Variants in ZNF560 observed in about 807,000 individuals in gnomAD.
ZNF560 encodes zinc finger protein 560.
Under a neutral mutation model 81.8 loss-of-function variants are expected in ZNF560, and 54 were observed. The observed-to-expected ratio is 0.66, with a 90% CI of 0.53 to 0.83. The LOEUF (loss-of-function observed/expected upper bound fraction) is 0.83. Among genes scored for constraint, ZNF560 ranks in the 40% least tolerant of loss-of-function variants. The pLI is 0.00. For missense variants in ZNF560, 940 were observed against 932.4 expected, an observed-to-expected ratio of 1.01 and a Z score of -0.11; for synonymous variants, 321 against 317.9, an observed-to-expected ratio of 1.01 and a Z score of -0.10.
chr19:9,483,691 C>T (rs574172285), intron 2 of ZNF560, among the ~76,000 whole-genome samples: 2,057 of 146,380 alleles, frequency 0.014, 53 homozygotes, highest in African/African-American at 0.048. Context: ...CGCCTCCGCC[C>T]GGCCGCCGCC....
chr19:9,453,360 C>T, the ZNF560 span, among the ~76,000 whole-genome samples: 10 of 152,096 alleles, frequency 6.6e-5, no homozygotes, highest in Non-Finnish European at 1.5e-4. Flanking sequence ...CTACAGAAAT[C>T]AAACCAAAAA....
At chr19:9,493,153 T>C (rs1168230694) in intron 2 of ZNF560, among the ~76,000 whole-genome samples, 1 of 151,954 alleles carries the variant, frequency 6.6e-6, no homozygotes, top group African/African-American at 2.4e-5. Context: ...TAACAAAAAA[T>C]TACCGTAGAA....
intron 2 of ZNF560, among the ~76,000 whole-genome samples, chr19:9,497,601 C>T (rs1389417777): frequency 6.6e-6 from 1 of 150,418 alleles, no homozygotes; most frequent in African/African-American, 2.4e-5. Flanking sequence ...GACTCTCAAA[C>T]TGTTCACCAT....
chr19:9,483,642 C>T (rs2073336998), intron 2 of ZNF560, among the ~76,000 whole-genome samples: 1 of 148,678 alleles, frequency 6.7e-6, no homozygotes, highest in South Asian at 2.1e-4. Context: ...GGCCAGCCCC[C>T]CGCCGGCCAG....
intron 4 of ZNF560, 60 bp downstream of exon 4, chr19:9,474,139 A>G: frequency 1.3e-6 from 2 of 1,598,338 alleles, no homozygotes; most frequent in Non-Finnish European, 1.7e-6. Flanking sequence ...TCTGGAACAC[A>G]GCAAGTACAC....
chr19:9,469,888 A>G (rs7247768), intron 7 of ZNF560, 178 bp from the exon 8 acceptor site: 10,148 of 569,828 alleles, frequency 0.018, 803 homozygotes, highest in African/African-American at 0.17. Flanking sequence ...TTCACATTCA[A>G]GCTTAACTCA....
intron 7 of ZNF560, 133 bp downstream of exon 7, chr19:9,470,259 T>C (rs1365211739): frequency 4.4e-6 from 5 of 1,135,104 alleles, no homozygotes; most frequent in Non-Finnish European, 6.2e-6. Context: ...ATTTTACTCA[T>C]TAAAAAAAAT....
Position 9,493,514 on chromosome 19 carries a change from G to A in ZNF560, c.-57+4614C>T, listed in dbSNP as rs901462626. Among the ~76,000 whole-genome samples the A allele has an allele frequency of 1.8e-4, 28 of 152,052 alleles. No individual in the cohort carries two copies. In the East Asian group the frequency reaches 2.1e-3, roughly 12 times the overall value. ...CAAGTAGCTGGGATTACAGGCGCCC[G>A]CCACGCCCAACTAATTTTTGTATTT... On this transcript the variant is annotated intron_variant, in intron 2 of 9. Transcript: ENST00000301480.
chr19:9,453,811 G>T, the ZNF560 span, among the ~76,000 whole-genome samples: 1 of 152,106 alleles, frequency 6.6e-6, no homozygotes, highest in Non-Finnish European at 1.5e-5. Context: ...GATAATACTT[G>T]TAATAAGAAA....
At chr19:9,481,646 G>T (rs139961395) in intron 2 of ZNF560, among the ~76,000 whole-genome samples, 15,534 of 152,164 alleles carry the variant, frequency 0.1, 947 homozygotes, top group South Asian at 0.2. Flanking sequence ...AAGAAGATAT[G>T]TATGCAGCCA....
At position 9,467,949 on chromosome 19, in the gene ZNF560, G is replaced by C. The variant is rs765532515; in HGVS notation, c.998C>G (p.Thr333Arg). 19 of 1,614,072 alleles carry C rather than the reference G, an allele frequency of 1.2e-5. No homozygotes were observed. The highest frequency in any genetic ancestry group is 1.0e-4 in the Admixed American group (6 of 60,014). The change falls in exon 10 of 10, where the codon ACA becomes AGA. Residue 333 changes from threonine (T) to arginine (R), a missense_variant. Transcript: ENST00000301480. ...TGTTTCAACATTTACAGCATGGCTT[G>C]TGGAGTGAGTAAATGCTTCCCCACA... The part of the protein sequence containing the change: ...KQCGEAFTHS[T>R]SHAVNVETHI...
intron 2 of ZNF560, among the ~76,000 whole-genome samples, chr19:9,497,625 G>A (rs929861408): frequency 3.3e-5 from 5 of 151,248 alleles, no homozygotes; most frequent in Non-Finnish European, 5.9e-5. Context: ...ATTTATTTAC[G>A]AGACGGCGAA....
At chr19:9,489,057 G>C (rs920050475) in intron 2 of ZNF560, among the ~76,000 whole-genome samples, 2 of 152,218 alleles carry the variant, frequency 1.3e-5, no homozygotes, top group African/African-American at 2.4e-5. Flanking sequence ...TTCCTGTACA[G>C]CCTGCAGAAC....
At chr19:9,466,190 T>TA (rs970458749), downstream of ZNF560, among the ~76,000 whole-genome samples, 3 of 148,618 alleles carry the variant, frequency 2.0e-5, no homozygotes, top group Admixed American at 6.7e-5. Flanking sequence ...ACCAAAAATA[T>TA]AAAAAATTAG....
chr19:9,475,215 C>A lies in ZNF560; in HGVS notation c.30+69G>T, dbSNP rs375534092. 81 of 1,530,976 alleles carry A rather than the reference C, an allele frequency of 5.3e-5. No homozygotes were observed. The African/African-American group carries it at 9.7e-4, about 18-fold the overall frequency. The allele number at this position is 1,530,976 out of a possible 1,614,324, so 94.8% of individuals were successfully genotyped here. On this transcript the variant is annotated intron_variant, in intron 3 of 9. Transcript: ENST00000301480. ...AAAGAAGCTCTGGAGACACATCTGC[C>A]TAGAAGGAAATGTGTTTACCTGGTG...
chr19:9,489,004 T>C (rs535338189), intron 2 of ZNF560, among the ~76,000 whole-genome samples: 19 of 152,364 alleles, frequency 1.2e-4, no homozygotes, highest in South Asian at 2.1e-4. Flanking sequence ...CTGCCATGAC[T>C]GGAAGCTTCC....
chr19:9,470,999 C>G (rs147839252), intron 6 of ZNF560, among the ~76,000 whole-genome samples: 54 of 152,262 alleles, frequency 3.5e-4, no homozygotes, highest in South Asian at 1.7e-3. Flanking sequence ...AGAGGTATGA[C>G]TTTCTGGGAA....
downstream of ZNF560, among the ~76,000 whole-genome samples, chr19:9,463,288 T>C (rs912976679): frequency 3.3e-5 from 5 of 152,184 alleles, no homozygotes; most frequent in African/African-American, 1.2e-4. Flanking sequence ...AATCAGCTTC[T>C]GAAGCTAGGC....
In ZNF560 at chr19:9,467,906, G is replaced by C. The variant is rs779334921; in HGVS notation, c.1041C>G (p.Pro347=). 37 of 1,614,028 alleles carry C rather than the reference G, an allele frequency of 2.3e-5. No individual in the cohort carries two copies. The highest frequency in any genetic ancestry group is 3.0e-5 in the Non-Finnish European group (35 of 1,180,024). ...CTTTTCCACATTCCTTACATTCATA[G>C]GGGTTTTTAATAATGTGTGTTTCAA... ...VNVETHIIKN[P]YECKECGKDF... is the part of the protein sequence containing the mutation. Residue 347 remains proline, a synonymous_variant, in exon 10 of 10, where the codon CCC becomes CCG. Transcript: ENST00000301480.
Sources: allele counts gnomAD v4.1 joint callset (sites outside exome capture counted in the v4.1 genomes callset), GRCh38; gene constraint gnomAD v4.1.1; transcripts MANE v1.5; gene names NCBI Gene and HGNC (gene_info 2026-07-23, HGNC 2026-07-21).